Variants in ZBTB37 observed in about 807,000 individuals in gnomAD.
ZBTB37 encodes the protein zinc finger and BTB domain-containing protein 37.
ZBTB37 carries 15 observed loss-of-function variants against 37.7 expected under a neutral mutation model. The ratio of observed to expected loss-of-function variants is 0.40; its 90% CI spans 0.27 to 0.61. The LOEUF (loss-of-function observed/expected upper bound fraction) is 0.61, where lower values mean the gene tolerates loss of function less well. Among genes scored for constraint, ZBTB37 ranks in the 20% least tolerant of loss-of-function variants. The pLI is 0.44. For synonymous variants in ZBTB37, 231 were observed against 220.6 expected (o/e 1.05, Z -0.42); for missense variants, 514 against 641.9 (o/e 0.80, Z 2.15).
At chr1:173,874,177 C>A (rs889029083) in intron 4 of ZBTB37, among the ~76,000 whole-genome samples, 1 of 150,386 alleles carries the variant, frequency 6.6e-6, no homozygotes, top group Non-Finnish European at 1.5e-5. Context: ...ATGGCTTGAA[C>A]CCGGGAGGCG....
exon 4 of ZBTB37, chr1:173,901,316 G>GCACATTGC: frequency 6.6e-6 from 1 of 151,794 alleles, no homozygotes; most frequent in East Asian, 1.9e-4. Context: ...CACAGTTTTA[G>GCACATTGC]CACATTGCAT....
At chr1:173,871,770 T>C (rs1437017588) in intron 3 of ZBTB37, among the ~76,000 whole-genome samples, 1 of 152,234 alleles carries the variant, frequency 6.6e-6, no homozygotes, top group Non-Finnish European at 1.5e-5. Context: ...TCCCTTTTTT[T>C]CACCAGTGCT....
At chr1:173,886,273 A>G (rs1177885312) in exon 5 of ZBTB37, 6 of 1,288,456 alleles carry the variant, frequency 4.7e-6, no homozygotes, top group South Asian at 1.6e-5. Flanking sequence ...AGGATCAGCA[A>G]CTTACACAAA....
At chr1:173,886,135 G>T in exon 5 of ZBTB37, 5 of 1,546,636 alleles carry the variant, frequency 3.2e-6, no homozygotes, top group Non-Finnish European at 4.4e-6. Context: ...AACATCCAGG[G>T]GGAGGGGGCT....
exon 4 of ZBTB37, chr1:173,895,305 G>T (rs1319345498): frequency 3.3e-5 from 5 of 152,160 alleles, no homozygotes; most frequent in African/African-American, 7.2e-5. Context: ...ATCTCACCAT[G>T]TTGCCTGGGC....
chr1:173,890,417 A>G (rs1426886488), downstream of ZBTB37: 1 of 152,156 alleles, frequency 6.6e-6, no homozygotes, highest in Non-Finnish European at 1.5e-5. Context: ...TCTTTTTTTC[A>G]GGTACAAGAG....
downstream of ZBTB37, chr1:173,889,093 A>G (rs899477416): frequency 6.6e-6 from 1 of 152,252 alleles, no homozygotes; most frequent in African/African-American, 2.4e-5. Flanking sequence ...CACAAAATTC[A>G]TGAAAATTTA....
intron 3 of ZBTB37, among the ~76,000 whole-genome samples, 155 bp downstream of exon 3, chr1:173,871,303 A>G (rs1227003805): frequency 1.3e-5 from 2 of 152,202 alleles, no homozygotes; most frequent in Non-Finnish European, 2.9e-5. Flanking sequence ...AAAGACTTGC[A>G]TTCTTATTTT....
intron 3 of ZBTB37, among the ~76,000 whole-genome samples, chr1:173,873,175 C>G (rs532597189): frequency 6.6e-6 from 1 of 152,064 alleles, no homozygotes; most frequent in Non-Finnish European, 1.5e-5. Context: ...TTAATTTATT[C>G]TTTTATGGTC....
At chr1:173,902,841 T>TA (rs1657321850) in exon 4 of ZBTB37, 1 of 152,146 alleles carries the variant, frequency 6.6e-6, no homozygotes, top group Admixed American at 6.6e-5. Context: ...TTTCTTAATG[T>TA]AAACACACAA....
chr1:173,885,957 C>T, exon 5 of ZBTB37: 5 of 1,551,766 alleles, frequency 3.2e-6, no homozygotes, highest in Non-Finnish European at 4.4e-6. Flanking sequence ...TCAGCACTTT[C>T]GCAAAAACCA....
At chr1:173,877,175 A>C (rs540040867) in intron 4 of ZBTB37, among the ~76,000 whole-genome samples, 1 of 152,176 alleles carries the variant, frequency 6.6e-6, no homozygotes, top group African/African-American at 2.4e-5. Context: ...TATGTGGTAC[A>C]TAACTGTAAA....
chr1:173,890,665 C>T (rs188110896), downstream of ZBTB37: 1 of 152,286 alleles, frequency 6.6e-6, no homozygotes, highest in East Asian at 1.9e-4. Flanking sequence ...GCAAAATATA[C>T]CCTTAGGACT....
intron 4 of ZBTB37, 129 bp downstream of exon 4, chr1:173,873,695 T>G: frequency 7.1e-7 from 1 of 1,406,314 alleles, no homozygotes; most frequent in Non-Finnish European, 9.4e-7. Flanking sequence ...TACTGTATTT[T>G]TTTTCCCTGA....
chr1:173,873,391 A>G (rs1457163123), intron 3 of ZBTB37, 76 bp from the exon 4 acceptor site: 1 of 1,441,712 alleles, frequency 6.9e-7, no homozygotes, highest in Non-Finnish European at 9.3e-7. Context: ...TAGAATAAAG[A>G]GGGGCGACAT....
chr1:173,885,942 T>C, exon 5 of ZBTB37: 2 of 1,551,802 alleles, frequency 1.3e-6, no homozygotes, highest in Non-Finnish European at 1.7e-6. Context: ...CCAGGCCATC[T>C]TGAATCAGCA....
exon 4 of ZBTB37, chr1:173,893,779 A>G (rs1656942854): frequency 6.6e-6 from 1 of 152,254 alleles, no homozygotes; most frequent in Admixed American, 6.5e-5. Context: ...TAACATCCTC[A>G]TTTTAGATGG....
At chr1:173,871,308 TA>T (rs1312574332) in intron 3 of ZBTB37, among the ~76,000 whole-genome samples, 160 bp downstream of exon 3, 3 of 152,344 alleles carry the variant, frequency 2.0e-5, no homozygotes, top group East Asian at 3.9e-4. Flanking sequence ...CTTGCATTCT[TA>T]TTTTTTTAAA....
downstream of ZBTB37, chr1:173,889,280 C>T (rs190857996): frequency 4.6e-5 from 7 of 152,364 alleles, no homozygotes; most frequent in Admixed American, 3.9e-4. Flanking sequence ...GTTCTATCTA[C>T]ATTAATGAAC....
Sources: allele counts gnomAD v4.1 joint callset (sites outside exome capture counted in the v4.1 genomes callset), GRCh38; gene constraint gnomAD v4.1.1; transcripts MANE v1.5; gene names NCBI Gene and HGNC (gene_info 2026-07-23, HGNC 2026-07-21).